URAD: variants seen among roughly 807,000 people sequenced by gnomAD.
URAD encodes the protein ureidoimidazoline (2-oxo-4-hydroxy-4-carboxy-5-) decarboxylase.
A neutral mutation model predicts 4.6 loss-of-function variants in URAD; 4 were observed. The observed-to-expected ratio is 0.87, with a 90% CI of 0.43 to 1.98. The LOEUF (loss-of-function observed/expected upper bound fraction) is 1.98, where lower values mean the gene tolerates loss of function less well. URAD is among the 30% of genes most tolerant of loss of function. The pLI is 0.03. For synonymous variants in URAD, 144 were observed against 118.2 expected (o/e 1.22, Z -1.41); for missense variants, 300 against 255.3 (o/e 1.18, Z -1.19).
chr13:27,980,009 G>GA (rs2137555088), intron 1 of URAD, among the ~76,000 whole-genome samples: 1 of 152,300 alleles, frequency 6.6e-6, no homozygotes, highest in Admixed American at 6.5e-5. Flanking sequence ...CAAGGTTAAG[G>GA]AAAGTTCAAA....
At chr13:27,982,313 C>T (rs1869900374) in intron 1 of URAD, among the ~76,000 whole-genome samples, 1 of 152,102 alleles carries the variant, frequency 6.6e-6, no homozygotes, top group Non-Finnish European at 1.5e-5. Flanking sequence ...CCTATAATCC[C>T]AGCTACTCAA....
intron 1 of URAD, among the ~76,000 whole-genome samples, chr13:27,978,884 G>C (rs555745012): frequency 2.3e-3 from 356 of 151,514 alleles, no homozygotes; most frequent in Non-Finnish European, 4.2e-3. Context: ...TTGCTCTCAG[G>C]GGGGGCTTTG....
Position 27,987,776 on chromosome 13 carries a change from A to G in URAD, c.175+687T>C, listed in dbSNP as rs114379038. On this transcript the variant is annotated intron_variant, in intron 1 of 1. Coordinates refer to ENST00000332715, the MANE Select transcript of URAD (RefSeq NM_001105577.2). ...CATTCTTCCAGTCCATGTCTGACCT[A>G]AACCACACAAGTGCTTGACTCTTAC... 5.0e-3 allele frequency among the ~76,000 whole-genome samples: 769 copies of G among 152,280 alleles called. 5 individuals are homozygous for G. The highest frequency in any genetic ancestry group is 0.018 in the African/African-American group (749 of 41,550).
Position 27,978,168 on chromosome 13 carries a change from C to T in URAD, c.460G>A (p.Val154Met). 1 of 1,534,038 alleles carries T rather than the reference C, an allele frequency of 6.5e-7. No homozygotes were observed. The highest frequency in any genetic ancestry group is 8.7e-7 in the Non-Finnish European group (1 of 1,152,990). ...AQELRTALGE[V>M]KKIGSLRLAD... ...AGGCGCAGGCTGCCGATCTTCTTCA[C>T]CTCGCCCAGAGCAGTGCGCAGCTCC... The change falls in exon 2 of 2, where the codon GTG becomes ATG. Residue 154 changes from valine to methionine, a missense_variant. Transcript: ENST00000332715.
Position 27,977,994 on chromosome 13 carries a change from T to G in URAD, c.*112A>C. 2.4e-6 allele frequency: 2 copies of G among 840,360 alleles called. No homozygotes were observed. Among genetic ancestry groups the G allele is most frequent in the Non-Finnish European group, 3.4e-6 (2 of 591,990 alleles). The allele number at this position is 840,360 out of a possible 1,614,324, so 52.1% of individuals were successfully genotyped here. A position where few individuals can be genotyped will look rare whatever the true frequency, so the allele number is the denominator to read the frequency against. ...CAATTCTCCACTTCCTTTGTGCACG[T>G]GTGTGGACGCTGTTCCAGGCCCGAG... On this transcript the variant is annotated 3_prime_UTR_variant, in exon 2 of 2. Coordinates refer to ENST00000332715, the MANE Select transcript of URAD (RefSeq NM_001105577.2).
chr13:27,980,722 C>G (rs745502567), intron 1 of URAD, among the ~76,000 whole-genome samples: 20 of 152,178 alleles, frequency 1.3e-4, no homozygotes, highest in Non-Finnish European at 2.5e-4. Context: ...ACCAGGCTCC[C>G]CGCGCAGGCC....
At chr13:27,987,882 A>AATAGATAGATG (rs1566043674) in intron 1 of URAD, among the ~76,000 whole-genome samples, 4 of 141,252 alleles carry the variant, frequency 2.8e-5, no homozygotes, top group Non-Finnish European at 4.6e-5. Context: ...ATTAGACTAA[A>AATAGATAGATG]ATAGATAGAT....
chr13:27,978,438 G>C lies in URAD; in HGVS notation c.190C>G (p.Leu64Val). Residue 64 changes from leucine to valine, a missense_variant, in exon 2 of 2, where the codon CTG becomes GTG. By Grantham distance (32) the Leu-to-Val change is conservative. Transcript: ENST00000332715. The part of the protein sequence containing the change: ...ALAQSGQEGI[L>V]RCHPDLAGSE... ...CCCGCCAGGTCCGGGTGGCAGCGCA[G>C]GATGCCCTCCTGGCCTGCGGAGAAG... 1 of 1,363,514 alleles carries C rather than the reference G, an allele frequency of 7.3e-7. No individual in the cohort carries two copies. The highest frequency in any genetic ancestry group is 9.4e-7 in the Non-Finnish European group (1 of 1,066,278). 84.5% of individuals were successfully genotyped at this position (1,363,514 alleles called of 1,614,324 possible).
intron 1 of URAD, 80 bp downstream of exon 1, chr13:27,988,383 T>C: frequency 7.0e-7 from 1 of 1,421,720 alleles, no homozygotes; most frequent in Non-Finnish European, 9.5e-7. Context: ...TGAGCCACCA[T>C]TCCTGGCCAG....
chr13:27,980,230 A>C (rs1869834909), intron 1 of URAD, among the ~76,000 whole-genome samples: 2 of 152,160 alleles, frequency 1.3e-5, no homozygotes, highest in South Asian at 2.1e-4. Context: ...AGCCGGCCTA[A>C]CACCACTGTG....
chr13:27,987,935 T>TAGATAGA (rs1555247009), intron 1 of URAD, among the ~76,000 whole-genome samples: 3 of 150,160 alleles, frequency 2.0e-5, no homozygotes, highest in South Asian at 2.1e-4. Flanking sequence ...GATAGATAGA[T>TAGATAGA]TTTTAAAAAC....
chr13:27,981,902 C>G (rs1432907993), intron 1 of URAD, among the ~76,000 whole-genome samples: 1 of 152,196 alleles, frequency 6.6e-6, no homozygotes. Context: ...CTGTTGCTCT[C>G]TTGTTTCTCC....
intron 1 of URAD, among the ~76,000 whole-genome samples, chr13:27,984,643 T>A (rs1281208220): frequency 6.6e-6 from 1 of 152,210 alleles, no homozygotes; most frequent in Non-Finnish European, 1.5e-5. Flanking sequence ...TTTCACCCAG[T>A]TTGCTTCTTA....
intron 1 of URAD, among the ~76,000 whole-genome samples, chr13:27,979,857 G>A (rs1869823981): frequency 6.6e-6 from 1 of 152,198 alleles, no homozygotes; most frequent in Admixed American, 6.5e-5. Flanking sequence ...AAGACACGGA[G>A]AACTGGGGGT....
chr13:27,978,907 G>A (rs1869801488), intron 1 of URAD, among the ~76,000 whole-genome samples: 1 of 152,024 alleles, frequency 6.6e-6, no homozygotes, highest in Non-Finnish European at 1.5e-5. Context: ...GTCTAAAGGG[G>A]CCGGACGCAA....
chr13:27,986,121 C>G (rs947915812), intron 1 of URAD, among the ~76,000 whole-genome samples: 1 of 152,130 alleles, frequency 6.6e-6, no homozygotes, highest in East Asian at 1.9e-4. Flanking sequence ...ACTGCAGACA[C>G]CAACAACCGT....
intron 1 of URAD, among the ~76,000 whole-genome samples, chr13:27,983,054 A>G (rs1187436102): frequency 5.3e-5 from 8 of 152,040 alleles, no homozygotes; most frequent in African/African-American, 1.9e-4. Context: ...CATAAACCCC[A>G]GTGACCCATT....
At chr13:27,988,348 TC>T (rs1156911996) in intron 1 of URAD, 114 bp downstream of exon 1, 1 of 1,055,938 alleles carries the variant, frequency 9.5e-7, no homozygotes, top group African/African-American at 1.6e-5. Context: ...CATCTCAGCC[TC>T]CCAAAGTGCT....
At chr13:27,984,818 A>G (rs1435016424) in intron 1 of URAD, among the ~76,000 whole-genome samples, 12 of 152,080 alleles carry the variant, frequency 7.9e-5, no homozygotes, top group Admixed American at 7.9e-4. Flanking sequence ...CTCTAGTTAA[A>G]AAATACAAAA....
Sources: gnomAD v4.1 joint callset for allele counts (sites outside exome capture counted in the v4.1 genomes callset) on GRCh38, gnomAD v4.1.1 for gene constraint, MANE v1.5 for transcripts, NCBI Gene and HGNC (gene_info 2026-07-23, HGNC 2026-07-21) for gene names.